GPM6B: variants seen among roughly 807,000 people sequenced by gnomAD.
GPM6B encodes the protein neuronal membrane glycoprotein M6-b.
In GPM6B, 4 loss-of-function variants were observed where a neutral mutation model predicts 27.2. The ratio of observed to expected loss-of-function variants is 0.15; its 90% CI spans 0.07 to 0.34. The LOEUF is 0.34. Among genes scored for constraint, GPM6B ranks in the 10% least tolerant of loss-of-function variants. The pLI, the probability that GPM6B is intolerant of heterozygous loss-of-function variation, is 1.00. For missense variants in GPM6B, 183 were observed against 261.9 expected (o/e 0.70, Z 2.08); for synonymous variants, 124 against 103.1 (o/e 1.20, Z -1.23).
chrX:13,931,841 C>A (rs1921581724), intron 1 of GPM6B, among the ~76,000 whole-genome samples: 1 of 111,946 alleles, frequency 8.9e-6, no homozygotes, highest in South Asian at 3.8e-4. Flanking sequence ...TTCAGAATTG[C>A]CCCAACAAAC....
At chrX:13,874,627 T>C (rs1184720466) in intron 1 of GPM6B, among the ~76,000 whole-genome samples, 1 of 111,143 alleles carries the variant, frequency 9.0e-6, no homozygotes, top group Non-Finnish European at 1.9e-5. Context: ...GGAGAATTGC[T>C]TGAACCTGGG....
intron 1 of GPM6B, among the ~76,000 whole-genome samples, chrX:13,837,710 TGGG>T (rs771546203): frequency 0.11 from 1,211 of 11,293 alleles, 56 homozygotes; most frequent in African/African-American, 0.18. Flanking sequence ...AGCAAGTTGG[TGGG>T]GGGGGGGGGG....
chrX:13,841,102 CCA>C (rs370580654), intron 1 of GPM6B, among the ~76,000 whole-genome samples: 119 of 111,672 alleles, frequency 1.1e-3, no homozygotes, highest in African/African-American at 3.4e-3. Flanking sequence ...GCACATGTGC[CCA>C]CACATACACA....
intron 1 of GPM6B, among the ~76,000 whole-genome samples, chrX:13,918,602 C>A (rs1037665707): frequency 8.9e-6 from 1 of 112,049 alleles, no homozygotes; most frequent in African/African-American, 3.2e-5. Context: ...AAAGAAAACA[C>A]CCGAGATTGG....
chrX:13,921,581 C>CT (rs35264990), intron 1 of GPM6B, among the ~76,000 whole-genome samples: 13,273 of 92,697 alleles, frequency 0.14, 952 homozygotes, highest in African/African-American at 0.22. Context: ...AACCCCCCCC[C>CT]TTTTTTTTTT....
intron 2 of GPM6B, among the ~76,000 whole-genome samples, chrX:13,805,437 G>A (rs2049004270): frequency 8.9e-6 from 1 of 112,413 alleles, no homozygotes. Context: ...TAATGAGTTA[G>A]ATCTGCAGAG....
intron 1 of GPM6B, among the ~76,000 whole-genome samples, chrX:13,853,244 G>A (rs766256232): frequency 9.0e-6 from 1 of 111,125 alleles, no homozygotes; most frequent in East Asian, 2.8e-4. Context: ...ATGGGACTTA[G>A]TATATAGTTG....
intron 1 of GPM6B, among the ~76,000 whole-genome samples, chrX:13,845,901 T>C (rs2049639946): frequency 8.9e-6 from 1 of 111,878 alleles, no homozygotes; most frequent in African/African-American, 3.3e-5. Context: ...TCACCATGTG[T>C]TTCCTCTGAA....
At position 13,836,346 on chromosome X, in the gene GPM6B, G is replaced by A. The variant is rs763709849; in HGVS notation, c.-197-50538C>T. Reference sequence around the variant, plus strand: ...AGACTCCAGACCTTAATTTAAGGAAGAAAAAAATCTACAGAGGCTTAATCA... The same window carrying A: ...AGACTCCAGACCTTAATTTAAGGAAAAAAAAAATCTACAGAGGCTTAATCA... On this transcript the variant is annotated intron_variant, in intron 1 of 6. Transcript: ENST00000398361. 6.3e-5 allele frequency among the ~76,000 whole-genome samples: 7 copies of A among 111,766 alleles called. No individual in the cohort carries two copies. The South Asian group carries it at 2.6e-3, about 42-fold the overall frequency.
intron 1 of GPM6B, among the ~76,000 whole-genome samples, chrX:13,814,192 T>C (rs1269465875): frequency 2.7e-5 from 3 of 112,314 alleles, no homozygotes; most frequent in African/African-American, 9.7e-5. Context: ...TAAAGCTAAG[T>C]TTAATTTACA....
chrX:13,872,639 C>T (rs1278496794), intron 1 of GPM6B, among the ~76,000 whole-genome samples: 3 of 105,669 alleles, frequency 2.8e-5, no homozygotes, highest in Non-Finnish European at 5.8e-5. Context: ...ACAGAGCGGA[C>T]GAGATGACCC....
intron 1 of GPM6B, among the ~76,000 whole-genome samples, chrX:13,891,160 T>G (rs1375603096): frequency 1.8e-5 from 2 of 111,377 alleles, no homozygotes; most frequent in Non-Finnish European, 3.8e-5. Flanking sequence ...CCACAATTAT[T>G]TTTGCACCAA....
At position 13,777,653 on chromosome X, in the gene GPM6B, TA is replaced by T. The variant is rs1185681938; in HGVS notation, c.698-229del. On this transcript the variant is annotated intron_variant, in intron 5 of 7. Coordinates refer to ENST00000316715, the MANE Select transcript of GPM6B (RefSeq NM_001001995.3). ...TCCATAAGAGATTTAAACAGCCTGATATTTTTTTCCCCTACAAATTGTGCTT... is the reference window on the plus strand; with the variant it reads ...TCCATAAGAGATTTAAACAGCCTGATTTTTTTTCCCCTACAAATTGTGCTT... Among the ~76,000 whole-genome samples the T allele has an allele frequency of 2.7e-5, 3 of 112,689 alleles. No homozygotes were observed. The East Asian group carries it at 8.2e-4, about 31-fold the overall frequency.
chrX:13,874,253 T>C (rs761509241), intron 1 of GPM6B, among the ~76,000 whole-genome samples: 1 of 111,634 alleles, frequency 9.0e-6, no homozygotes, highest in African/African-American at 3.2e-5. Flanking sequence ...AGGAGAAAAA[T>C]GTAACAACAA....
At chrX:13,775,158 C>G (rs2048387246) in intron 7 of GPM6B, among the ~76,000 whole-genome samples, 1 of 112,496 alleles carries the variant, frequency 8.9e-6, no homozygotes, top group Admixed American at 9.4e-5. Context: ...CCAAGCCCTC[C>G]AAAATTACAT....
chrX:13,934,165 G>A (rs186834757), intron 1 of GPM6B, among the ~76,000 whole-genome samples: 3 of 110,688 alleles, frequency 2.7e-5, no homozygotes, highest in Admixed American at 9.6e-5. Flanking sequence ...ACAGTACTCC[G>A]TGGTATTCGA....
chrX:13,825,122 T>C (rs954926981), intron 1 of GPM6B, among the ~76,000 whole-genome samples: 4 of 111,547 alleles, frequency 3.6e-5, no homozygotes, highest in African/African-American at 1.3e-4. Flanking sequence ...CTTAACTCGA[T>C]TATGCCTACA....
At chrX:13,789,501 C>T (rs973884871) in intron 2 of GPM6B, among the ~76,000 whole-genome samples, 10 of 111,770 alleles carry the variant, frequency 8.9e-5, no homozygotes, top group South Asian at 3.8e-4. Flanking sequence ...CTTGACCAGG[C>T]GCCGTGGCTC....
chrX:13,786,019 A>G (rs1004081562), intron 2 of GPM6B, among the ~76,000 whole-genome samples: 2 of 112,601 alleles, frequency 1.8e-5, no homozygotes, highest in Non-Finnish European at 3.8e-5. Flanking sequence ...CCAAAAGGGA[A>G]TGTAACTTAA....
Sources: allele counts gnomAD v4.1 joint callset (sites outside exome capture counted in the v4.1 genomes callset), GRCh38; gene constraint gnomAD v4.1.1; transcripts MANE v1.5; gene names NCBI Gene and HGNC (gene_info 2026-07-23, HGNC 2026-07-21).